Variants in CELF1 observed in about 807,000 individuals in gnomAD.
CELF1 encodes the protein CUGBP Elav-like family member 1.
In CELF1, 10 loss-of-function variants were observed where a neutral mutation model predicts 61.8. That is an observed-to-expected ratio of 0.16 (90% confidence interval 0.10 to 0.27). CELF1 has a LOEUF of 0.27. CELF1 is among the 10% of genes least tolerant of loss of function. CELF1 has a pLI of 1.00. For missense variants in CELF1, 380 were observed against 639.1 expected (o/e 0.59, Z 4.37); for synonymous variants, 236 against 225.1 (o/e 1.05, Z -0.43).
At chr11:47,479,112 T>C (rs1195389774) in intron 9 of CELF1, among the ~76,000 whole-genome samples, 160 bp from the exon 10 acceptor site, 4 of 151,454 alleles carry the variant, frequency 2.6e-5, no homozygotes, top group Admixed American at 6.6e-5. Flanking sequence ...ATGAGGCTTA[T>C]GACAGCACAG....
At chr11:47,491,159 A>G (rs1416876349) in intron 3 of CELF1, among the ~76,000 whole-genome samples, 2 of 149,688 alleles carry the variant, frequency 1.3e-5, no homozygotes, top group African/African-American at 2.5e-5. Flanking sequence ...CACCGTGCCC[A>G]GCCTATTTCT....
Position 47,467,653 on chromosome 11 carries a change from G to A in CELF1, c.*4577C>T, listed in dbSNP as rs1487092110. ...TCACTGCCCCTAATGTGCTAAATAA[G>A]CCTCTTACCCACCTGCTGCCACCTT... is the stretch of plus-strand genomic sequence containing the variant. On this transcript the variant is annotated 3_prime_UTR_variant, in exon 15 of 15. Transcript: ENST00000687097. The A allele has an allele frequency of 6.6e-6, 1 of 152,254 alleles. No homozygotes were observed. The highest frequency in any genetic ancestry group is 1.5e-5 in the Non-Finnish European group (1 of 68,130). 9.4% of individuals were successfully genotyped at this position (152,254 alleles called of 1,614,324 possible).
chr11:47,562,953 T>G (rs1356133143), intron 2 of CELF1, among the ~76,000 whole-genome samples: 4 of 152,044 alleles, frequency 2.6e-5, no homozygotes, highest in Non-Finnish European at 5.9e-5. Context: ...GTGATCTGCC[T>G]GCCTCTGCCT....
intron 1 of CELF1, among the ~76,000 whole-genome samples, chr11:47,548,921 T>C (rs565666722): frequency 3.8e-5 from 5 of 130,400 alleles, no homozygotes; most frequent in South Asian, 2.4e-4. Flanking sequence ...AATTCAACAA[T>C]ACAAAATCAA....
intron 6 of CELF1, among the ~76,000 whole-genome samples, chr11:47,485,855 T>C (rs1251016603): frequency 2.1e-5 from 3 of 145,588 alleles, no homozygotes; most frequent in Non-Finnish European, 4.5e-5. Flanking sequence ...CCTCACCTGG[T>C]CCTGACTATC....
intron 1 of CELF1, among the ~76,000 whole-genome samples, chr11:47,532,702 A>G (rs2096519247): frequency 6.6e-6 from 1 of 152,198 alleles, no homozygotes; most frequent in African/African-American, 2.4e-5. Flanking sequence ...TCAAAATGAT[A>G]GGATTAAAGA....
intron 1 of CELF1, among the ~76,000 whole-genome samples, chr11:47,523,022 T>C (rs968913952): frequency 2.6e-5 from 4 of 152,136 alleles, no homozygotes; most frequent in African/African-American, 9.7e-5. Context: ...ATATCTTCAT[T>C]ATGGATTACC....
upstream of CELF1, among the ~76,000 whole-genome samples, chr11:47,553,961 G>T (rs1256419573): frequency 6.6e-6 from 1 of 151,998 alleles, no homozygotes; most frequent in African/African-American, 2.4e-5. Context: ...CTAGGTTCCA[G>T]ACCTTGTGAG....
At chr11:47,487,108 C>A in intron 5 of CELF1, 51 bp downstream of exon 5, 1 of 1,347,034 alleles carries the variant, frequency 7.4e-7, no homozygotes, top group Non-Finnish European at 1.1e-6. Context: ...GTAAGTATAT[C>A]CCACATATCA....
At chr11:47,534,363 T>G (rs1169364326) in intron 1 of CELF1, among the ~76,000 whole-genome samples, 1 of 151,378 alleles carries the variant, frequency 6.6e-6, no homozygotes, top group Non-Finnish European at 1.5e-5. Context: ...GATTTCAATG[T>G]TTTCCAAAGT....
intron 9 of CELF1, among the ~76,000 whole-genome samples, chr11:47,479,781 T>A (rs527347506): frequency 6.6e-6 from 1 of 152,318 alleles, no homozygotes; most frequent in East Asian, 1.9e-4. Context: ...GGTATTCTTG[T>A]ACAGGATCCT....
intron 1 of CELF1, among the ~76,000 whole-genome samples, chr11:47,539,243 C>T (rs1565901613): frequency 6.6e-6 from 1 of 152,106 alleles, no homozygotes; most frequent in Non-Finnish European, 1.5e-5. Context: ...AAAATAAACT[C>T]ATAATCTTGA....
intron 1 of CELF1, among the ~76,000 whole-genome samples, chr11:47,503,474 G>T (rs1351925717): frequency 6.6e-6 from 1 of 152,136 alleles, no homozygotes; most frequent in Non-Finnish European, 1.5e-5. Flanking sequence ...TAAGCACAGA[G>T]GAGATTAGAA....
At chr11:47,555,861 A>G (rs935101206), upstream of CELF1, among the ~76,000 whole-genome samples, 1 of 152,080 alleles carries the variant, frequency 6.6e-6, no homozygotes, top group Non-Finnish European at 1.5e-5. Context: ...TTAGCCAGGC[A>G]TGATGGCGGG....
chr11:47,550,659 G>A (rs540004322), intron 1 of CELF1, among the ~76,000 whole-genome samples: 10 of 152,028 alleles, frequency 6.6e-5, no homozygotes, highest in Non-Finnish European at 1.3e-4. Flanking sequence ...GTGGCACTAT[G>A]GGTGAGTTTC....
At chr11:47,499,039 G>C (rs1427119817) in intron 3 of CELF1, among the ~76,000 whole-genome samples, 1 of 152,038 alleles carries the variant, frequency 6.6e-6, no homozygotes, top group Admixed American at 6.6e-5. Context: ...CTCTGTGATA[G>C]GAGACTAAGA....
At chr11:47,514,692 C>CAAAAAAAAA in intron 1 of CELF1, among the ~76,000 whole-genome samples, 1 of 106,070 alleles carries the variant, frequency 9.4e-6, no homozygotes, top group African/African-American at 3.9e-5. Context: ...CCTATCTCTA[C>CAAAAAAAAA]AAAAAAAAAA....
chr11:47,547,503 C>A (rs980690223), intron 1 of CELF1, among the ~76,000 whole-genome samples: 10 of 151,876 alleles, frequency 6.6e-5, no homozygotes, highest in African/African-American at 2.4e-4. Flanking sequence ...AATGGTGAAA[C>A]CCCATCTCTA....
At chr11:47,474,850 C>T (rs2079283837) in intron 13 of CELF1, among the ~76,000 whole-genome samples, 1 of 152,196 alleles carries the variant, frequency 6.6e-6, no homozygotes, top group African/African-American at 2.4e-5. Context: ...AAACGACATA[C>T]TTCCCACTCC....
Sources: gnomAD v4.1 joint callset for allele counts (sites outside exome capture counted in the v4.1 genomes callset) on GRCh38, gnomAD v4.1.1 for gene constraint, MANE v1.5 for transcripts, NCBI Gene and HGNC (gene_info 2026-07-23, HGNC 2026-07-21) for gene names.